The following GNG4 variants were observed in gnomAD, a reference collection of about 807,000 sequenced individuals.
GNG4 encodes G protein subunit gamma 4, also known as guanine nucleotide-binding protein G(I)/G(S)/G(O) subunit gamma-4.
GNG4 carries 4 observed loss-of-function variants against 5.8 expected under a neutral mutation model. That is an observed-to-expected ratio of 0.69 (90% CI 0.34 to 1.57). The LOEUF is 1.57. Among genes scored for constraint, GNG4 ranks in the 40% most tolerant of loss-of-function variants. The probability of loss-of-function intolerance (pLI) is 0.06; values close to 1 mark genes in which losing one functional copy is unlikely to be tolerated. For synonymous variants in GNG4, 29 were observed against 32.9 expected (o/e 0.88, Z 0.41); for missense variants, 96 against 95.1 (o/e 1.01, Z -0.04).
At chr1:235,555,173 T>G (rs1317152367) in intron 3 of GNG4, among the ~76,000 whole-genome samples, 2 of 152,168 alleles carry the variant, frequency 1.3e-5, no homozygotes, top group African/African-American at 4.8e-5. Flanking sequence ...GGATCCATGA[T>G]GAGAGGCCAG....
chr1:235,557,793 C>G (rs1686957295), intron 3 of GNG4, among the ~76,000 whole-genome samples: 2 of 152,218 alleles, frequency 1.3e-5, no homozygotes, highest in African/African-American at 4.8e-5. Context: ...CTTCGGGGGA[C>G]AGCTCAGTCG....
intron 3 of GNG4, among the ~76,000 whole-genome samples, chr1:235,580,775 G>A (rs1687615026): frequency 7.5e-6 from 1 of 133,708 alleles, no homozygotes; most frequent in Non-Finnish European, 1.5e-5. Context: ...TCCTGAGATG[G>A]GGTCTTCCTC....
intron 1 of GNG4, among the ~76,000 whole-genome samples, chr1:235,617,582 C>T (rs887609374): frequency 1.3e-5 from 2 of 152,116 alleles, no homozygotes; most frequent in African/African-American, 4.8e-5. Context: ...TTCCCCACTC[C>T]TATCTTCTAA....
intron 1 of GNG4, among the ~76,000 whole-genome samples, chr1:235,602,535 A>G (rs1250192634): frequency 6.6e-6 from 1 of 152,194 alleles, no homozygotes; most frequent in Non-Finnish European, 1.5e-5. Flanking sequence ...TGGTCACAGC[A>G]GCTTTGCATC....
chr1:235,591,902 A>T (rs1040047253), intron 2 of GNG4, among the ~76,000 whole-genome samples: 2 of 152,154 alleles, frequency 1.3e-5, no homozygotes, highest in Non-Finnish European at 2.9e-5. Flanking sequence ...GGTCTGTGGG[A>T]CCCCCAGCAG....
intron 1 of GNG4, among the ~76,000 whole-genome samples, chr1:235,606,127 C>T (rs150733952): frequency 2.0e-5 from 3 of 151,894 alleles, no homozygotes; most frequent in Admixed American, 2.0e-4. Context: ...CAGAGGTGAA[C>T]AAGATAAACA....
chr1:235,616,361 G>A, intron 1 of GNG4: 1 of 419,756 alleles, frequency 2.4e-6, no homozygotes, highest in Non-Finnish European at 4.6e-6. Flanking sequence ...CGTCATGCTG[G>A]TCCTCGTGAT....
chr1:235,587,586 A>AATGTGAGTGTGGGAGGGTGTAGGGTGGGG (rs1558486286), intron 2 of GNG4, among the ~76,000 whole-genome samples: 1 of 450 alleles, frequency 2.2e-3, no homozygotes, highest in Non-Finnish European at 4.1e-3. Flanking sequence ...GGTGGCGGTG[A>AATGTGAGTGTGGGAGGGTGTAGGGTGGGG]GTGTGAGTGT....
chr1:235,617,889 T>TAA lies in GNG4; in HGVS notation c.-122-22380_-122-22379dup, dbSNP rs34128028. Among the ~76,000 whole-genome samples the TAA allele has an allele frequency of 2.2e-3, 242 of 109,702 alleles. 4 individuals carry two copies. In the South Asian group the frequency reaches 0.049, roughly 22 times the overall value. 72.0% of individuals were successfully genotyped at this position (109,702 alleles called of 152,430 possible). A position where few individuals can be genotyped will look rare whatever the true frequency, so the allele number is the denominator to read the frequency against. On this transcript the variant is annotated intron_variant, in intron 1 of 3. Coordinates refer to ENST00000391854, the MANE Select transcript of GNG4 (RefSeq NM_001098722.2). ...GACAGAGTGAGACTCTGCCTCTATC[T>TAA]AAAAAAAAAAAAAAAAAAAGAAAGA...
intron 3 of GNG4, among the ~76,000 whole-genome samples, chr1:235,574,323 G>T (rs1226988149): frequency 3.3e-5 from 5 of 151,554 alleles, no homozygotes; most frequent in Admixed American, 2.0e-4. Flanking sequence ...GTGAGCCAAG[G>T]TCACGCCACT....
intron 2 of GNG4, among the ~76,000 whole-genome samples, chr1:235,593,869 G>A (rs1204084915): frequency 6.6e-6 from 1 of 152,200 alleles, no homozygotes; most frequent in Non-Finnish European, 1.5e-5. Flanking sequence ...AGAGTGAGCA[G>A]CAGCAGAATT....
chr1:235,599,297 T>C (rs964937741), intron 1 of GNG4, among the ~76,000 whole-genome samples: 2 of 148,218 alleles, frequency 1.3e-5, no homozygotes, highest in Non-Finnish European at 3.0e-5. Context: ...GTTTTTTTGT[T>C]GTCGTTGTTT....
chr1:235,598,812 G>A (rs1388717440), intron 1 of GNG4, among the ~76,000 whole-genome samples: 1 of 148,942 alleles, frequency 6.7e-6, no homozygotes, highest in African/African-American at 2.5e-5. Context: ...TGCAACCTCC[G>A]ACTCCTAGGT....
intron 3 of GNG4, among the ~76,000 whole-genome samples, chr1:235,561,167 G>A (rs1473087659): frequency 3.3e-5 from 5 of 151,884 alleles, no homozygotes; most frequent in South Asian, 2.1e-4. Flanking sequence ...CTGCCACCAC[G>A]GCCGGCTAAT....
At chr1:235,596,998 G>A (rs1688138474) in intron 1 of GNG4, among the ~76,000 whole-genome samples, 1 of 151,942 alleles carries the variant, frequency 6.6e-6, no homozygotes, top group South Asian at 2.1e-4. Context: ...GCCTCCCAAA[G>A]TGCTGGGATT....
chr1:235,605,183 TA>T (rs1688333011), intron 1 of GNG4, among the ~76,000 whole-genome samples: 1 of 151,464 alleles, frequency 6.6e-6, no homozygotes, highest in Non-Finnish European at 1.5e-5. Context: ...GGAGGTGGAA[TA>T]TGATTCCTGC....
intron 2 of GNG4, among the ~76,000 whole-genome samples, chr1:235,593,860 G>A (rs1001583033): frequency 5.3e-5 from 8 of 152,210 alleles, no homozygotes; most frequent in African/African-American, 1.7e-4. Context: ...TGGGGGCCCA[G>A]AGTGAGCAGC....
At chr1:235,637,398 AT>A (rs551843247) in intron 1 of GNG4, among the ~76,000 whole-genome samples, 117 of 152,276 alleles carry the variant, frequency 7.7e-4, no homozygotes, top group African/African-American at 2.7e-3. Context: ...CACACCTGTA[AT>A]CCCAGCACTT....
At chr1:235,594,650 C>T (rs1021915010) in intron 2 of GNG4, among the ~76,000 whole-genome samples, 3 of 152,194 alleles carry the variant, frequency 2.0e-5, no homozygotes, top group East Asian at 1.9e-4. Flanking sequence ...CCCTCACTGC[C>T]CGGGGCTTGC....
Sources: allele counts gnomAD v4.1 joint callset (sites outside exome capture counted in the v4.1 genomes callset), GRCh38; gene constraint gnomAD v4.1.1; transcripts MANE v1.5; gene names NCBI Gene and HGNC (gene_info 2026-07-23, HGNC 2026-07-21).